UTRN: variants seen among roughly 807,000 people sequenced by gnomAD.
UTRN encodes utrophin.
A neutral mutation model predicts 463.9 loss-of-function variants in UTRN; 283 were observed. That is an observed-to-expected ratio of 0.61 (90% CI 0.55 to 0.67). The LOEUF (loss-of-function observed/expected upper bound fraction) is 0.67, where lower values mean the gene tolerates loss of function less well. Among genes scored for constraint, UTRN ranks in the 30% least tolerant of loss-of-function variants. The pLI is 0.00. For synonymous variants in UTRN, 1,442 were observed against 1,431.5 expected (o/e 1.01, Z -0.17); for missense variants, 3,922 against 4,084.3 (o/e 0.96, Z 1.08).
intron 61 of UTRN, among the ~76,000 whole-genome samples, chr6:144,784,404 G>A (rs188573029): frequency 5.9e-5 from 9 of 152,278 alleles, no homozygotes; most frequent in Admixed American, 4.6e-4. Context: ...GCAGATGATC[G>A]TCTTCTCCCT....
intron 51 of UTRN, among the ~76,000 whole-genome samples, chr6:144,660,834 A>C (rs1189792333): frequency 1.3e-5 from 2 of 152,212 alleles, no homozygotes; most frequent in Admixed American, 6.5e-5. Context: ...GAGTGCTTGC[A>C]TGCACTGTGA....
At chr6:144,694,229 GA>G (rs1216262533) in intron 52 of UTRN, among the ~76,000 whole-genome samples, 2 of 128,918 alleles carry the variant, frequency 1.6e-5, no homozygotes, top group Non-Finnish European at 3.5e-5. Flanking sequence ...GCATCCTAGG[GA>G]TAAAGCCTAC....
intron 53 of UTRN, among the ~76,000 whole-genome samples, chr6:144,713,669 C>T (rs1161614809): frequency 1.4e-5 from 2 of 143,182 alleles, no homozygotes; most frequent in East Asian, 2.1e-4. Context: ...GCCTGTAATC[C>T]CAGCACTTTG....
At position 144,742,272 on chromosome 6, in the gene UTRN, G is replaced by A. The variant is rs575356213; in HGVS notation, c.7940-5974G>A. ...ACATAATTAGAAGCACTAATCAGCC[G>A]TGGCACTTGATGATGTACTTGTAAT... On this transcript the variant is annotated intron_variant, in intron 54 of 74. Coordinates refer to ENST00000367545, the MANE Select transcript of UTRN (RefSeq NM_007124.3). 1.4e-4 allele frequency among the ~76,000 whole-genome samples: 21 copies of A among 152,186 alleles called. No individual in the cohort carries two copies. The South Asian group carries it at 3.1e-3, about 23-fold the overall frequency.
chr6:144,428,269 C>A (rs1785476007), intron 7 of UTRN, among the ~76,000 whole-genome samples: 1 of 152,064 alleles, frequency 6.6e-6, no homozygotes, highest in African/African-American at 2.4e-5. Context: ...TTAGGAATAT[C>A]CTGAGAACAG....
rs1777531347 is a variant in UTRN, at chr6:144,345,982, A to G, written c.79+54075A>G. On this transcript the variant is annotated intron_variant, in intron 2 of 74. Transcript: ENST00000367545. ...CACCTGAGGTCAGGAGTTCTAGACC[A>G]GCCTGGCCAACATGGTAAAACCTTG... is the stretch of plus-strand genomic sequence containing the variant. Among the ~76,000 whole-genome samples the G allele has an allele frequency of 2.6e-5, 4 of 152,206 alleles. No individual in the cohort carries two copies. In the South Asian group the frequency reaches 8.3e-4, roughly 32 times the overall value.
intron 21 of UTRN, 140 bp from the exon 22 acceptor site, chr6:144,461,057 G>A: frequency 1.7e-6 from 1 of 585,962 alleles, no homozygotes; most frequent in Non-Finnish European, 2.6e-6. Flanking sequence ...GATCTATGTT[G>A]TTAATTAACA....
chr6:144,479,681 T>A lies in UTRN; in HGVS notation c.3337-131T>A. 1.8e-6 allele frequency: 2 copies of A among 1,103,010 alleles called. 1 individual carries two copies. Among genetic ancestry groups the A allele is most frequent in the South Asian group, 3.4e-5 (2 of 59,642 alleles). 68.3% of individuals were successfully genotyped at this position (1,103,010 alleles called of 1,614,324 possible). ...CAGCGTTAGCATGAGATGTATGAGA[T>A]TTTATCTGAATTTTAAAGCATGCAA... On this transcript the variant is annotated intron_variant, in intron 25 of 74. Transcript: ENST00000367545.
intron 47 of UTRN, 107 bp downstream of exon 47, chr6:144,548,961 T>TA: frequency 8.6e-7 from 1 of 1,161,318 alleles, no homozygotes; most frequent in Non-Finnish European, 1.2e-6. Flanking sequence ...GAATGAGGTT[T>TA]AAAAAATTCT....
chr6:144,755,693 GT>G (rs1791917724), intron 57 of UTRN, among the ~76,000 whole-genome samples: 1 of 151,952 alleles, frequency 6.6e-6, no homozygotes, highest in African/African-American at 2.4e-5. Flanking sequence ...AAAGCAATTT[GT>G]TTCATTTAAT....
intron 53 of UTRN, among the ~76,000 whole-genome samples, chr6:144,724,009 CAAAAAAA>C (rs59598919): frequency 1.5e-4 from 9 of 58,774 alleles, no homozygotes; most frequent in East Asian, 1.3e-3. Context: ...GACTCCATCT[CAAAAAAA>C]AAAAAAAAAA....
At chr6:144,364,153 C>T (rs978982755) in intron 2 of UTRN, among the ~76,000 whole-genome samples, 2 of 152,156 alleles carry the variant, frequency 1.3e-5, no homozygotes, top group Non-Finnish European at 2.9e-5. Flanking sequence ...AAGCTCTCTT[C>T]GTGGATTTCA....
At chr6:144,789,429 G>C (rs1418421721) in intron 62 of UTRN, 150 bp downstream of exon 62, 1 of 623,760 alleles carries the variant, frequency 1.6e-6, no homozygotes, top group Non-Finnish European at 2.6e-6. Context: ...GTTAGACAGA[G>C]GGTGGCAGTG....
At chr6:144,669,995 A>G (rs975019534) in intron 51 of UTRN, among the ~76,000 whole-genome samples, 3 of 144,046 alleles carry the variant, frequency 2.1e-5, no homozygotes, top group African/African-American at 5.3e-5. Flanking sequence ...GTGTGTATAC[A>G]TATATGTTTA....
chr6:144,366,187 T>G (rs1327891623), intron 2 of UTRN, among the ~76,000 whole-genome samples: 1 of 152,218 alleles, frequency 6.6e-6, no homozygotes, highest in East Asian at 1.9e-4. Flanking sequence ...GTTTATTCAC[T>G]TGAAAGCCAG....
Position 144,820,954 on chromosome 6 carries a change from GC to G in UTRN, c.9432del (p.Lys3145AsnfsTer19). The G allele has an allele frequency of 6.2e-7, 1 of 1,613,890 alleles. No homozygotes were observed. Among genetic ancestry groups the G allele is most frequent in the Non-Finnish European group, 8.5e-7 (1 of 1,179,874 alleles). On this transcript the variant is annotated frameshift_variant, in exon 66 of 75. Coordinates refer to ENST00000367545, the MANE Select transcript of UTRN (RefSeq NM_007124.3). LOFTEE classifies it high-confidence loss of function. Reference sequence around the variant, plus strand: ...CAAGTTCAGGTCGAAGAAGTACTTTGCCAAACACCCTCGACTTGGTTACCTG... The same window carrying G: ...CAAGTTCAGGTCGAAGAAGTACTTTGCAAACACCCTCGACTTGGTTACCTG... Reference protein sequence around the residue: ...KNKFRSKKYFAKHPRLGYLPV... With the variant: ...KNKFRSKKYFXKHPRLGYLPV...
At chr6:144,331,024 G>A (rs1351739201) in intron 2 of UTRN, 1 of 985,234 alleles carries the variant, frequency 1.0e-6, no homozygotes, top group African/African-American at 1.7e-5. Flanking sequence ...GGCAGGTAAA[G>A]ACTCATTGAG....
chr6:144,783,530 G>A (rs182108267), intron 61 of UTRN, among the ~76,000 whole-genome samples: 4 of 152,222 alleles, frequency 2.6e-5, no homozygotes, highest in Non-Finnish European at 5.9e-5. Context: ...TCAAATCAGG[G>A]AAGTTAAAAT....
At chr6:144,394,153 T>C (rs1782187601) in intron 2 of UTRN, among the ~76,000 whole-genome samples, 1 of 152,236 alleles carries the variant, frequency 6.6e-6, no homozygotes, top group Non-Finnish European at 1.5e-5. Context: ...TCATTGGCTT[T>C]TACAATGCTC....
Sources: gnomAD v4.1 joint callset for allele counts (sites outside exome capture counted in the v4.1 genomes callset) on GRCh38, gnomAD v4.1.1 for gene constraint, MANE v1.5 for transcripts, NCBI Gene and HGNC (gene_info 2026-07-23, HGNC 2026-07-21) for gene names.